Variants in STRN3 observed in about 807,000 individuals in gnomAD.
STRN3 encodes striatin-3.
In STRN3, 29 loss-of-function variants were observed where a neutral mutation model predicts 95.6. That is an observed-to-expected ratio of 0.30 (90% confidence interval 0.23 to 0.41). The LOEUF (loss-of-function observed/expected upper bound fraction) is 0.41, where lower values mean the gene tolerates loss of function less well. Among genes scored for constraint, STRN3 ranks in the 10% least tolerant of loss-of-function variants. The pLI is 1.00. For missense variants in STRN3, 890 were observed against 972.1 expected (o/e 0.92, Z 1.12); for synonymous variants, 331 against 357.6 (o/e 0.93, Z 0.84).
intron 1 of STRN3, among the ~76,000 whole-genome samples, chr14:31,012,392 T>A (rs985272931): frequency 1.3e-5 from 2 of 152,198 alleles, no homozygotes; most frequent in African/African-American, 4.8e-5. Flanking sequence ...AATTTTAAAC[T>A]TTCCACAACT....
At chr14:30,988,292 A>G (rs1466232733) in intron 1 of STRN3, among the ~76,000 whole-genome samples, 2 of 152,196 alleles carry the variant, frequency 1.3e-5, no homozygotes, top group Non-Finnish European at 2.9e-5. Flanking sequence ...GGTATTATCA[A>G]CCAAACTCTG....
intron 1 of STRN3, among the ~76,000 whole-genome samples, chr14:30,993,270 A>C (rs906163222): frequency 6.6e-6 from 1 of 151,028 alleles, no homozygotes; most frequent in African/African-American, 2.4e-5. Context: ...AAAAAAAAAA[A>C]CCCACAAACT....
intron 1 of STRN3, among the ~76,000 whole-genome samples, chr14:30,969,791 A>G (rs1880731803): frequency 6.6e-6 from 1 of 152,164 alleles, no homozygotes; most frequent in Admixed American, 6.5e-5. Context: ...CCTCAAAACT[A>G]AAAGTCTTTT....
chr14:30,921,192 G>C (rs1896876592), intron 8 of STRN3, among the ~76,000 whole-genome samples: 1 of 151,550 alleles, frequency 6.6e-6, no homozygotes, highest in Admixed American at 6.6e-5. Context: ...TAAAGCTTTT[G>C]TTGATCTTTC....
chr14:30,967,630 T>A (rs1255483626), intron 1 of STRN3, among the ~76,000 whole-genome samples: 3 of 152,184 alleles, frequency 2.0e-5, no homozygotes, highest in African/African-American at 7.2e-5. Flanking sequence ...GGCAACTGCT[T>A]TGCTAACAGA....
chr14:30,950,957 A>G lies in STRN3; in HGVS notation c.461-13T>C, dbSNP rs1248392952. The G allele has an allele frequency of 1.3e-6, 2 of 1,596,354 alleles. No individual in the cohort carries two copies. Among genetic ancestry groups the G allele is most frequent in the Middle Eastern group, 1.7e-4 (1 of 6,010 alleles). ...TCTTTGGTTTCTTCTAAAAATTAAG[A>G]AAAAAAAAGTTTTACATACTTTATT... is the stretch of plus-strand genomic sequence containing the variant. On this transcript the variant is annotated splice_polypyrimidine_tract_variant and intron_variant, in intron 3 of 17. Transcript: ENST00000357479.
intron 1 of STRN3, among the ~76,000 whole-genome samples, chr14:30,975,133 A>G (rs1881029977): frequency 1.6e-5 from 1 of 62,006 alleles, no homozygotes; most frequent in Admixed American, 1.6e-4. Flanking sequence ...AGCACAATTC[A>G]TAACTGCAAA....
At chr14:30,973,594 A>G (rs1187982264) in intron 1 of STRN3, among the ~76,000 whole-genome samples, 1 of 152,228 alleles carries the variant, frequency 6.6e-6, no homozygotes, top group African/African-American at 2.4e-5. Flanking sequence ...AAATCTGAAG[A>G]GAAGGGAATA....
intron 7 of STRN3, among the ~76,000 whole-genome samples, chr14:30,929,969 A>AAAC (rs1878439303): frequency 6.7e-6 from 1 of 149,338 alleles, no homozygotes; most frequent in East Asian, 1.9e-4. Context: ...AAAAAAAAAA[A>AAAC]AAAAAAAAAA....
chr14:30,914,118 T>C (rs1014019434), intron 9 of STRN3, among the ~76,000 whole-genome samples: 2 of 152,204 alleles, frequency 1.3e-5, no homozygotes, highest in Non-Finnish European at 2.9e-5. Context: ...CCAAGTCCTT[T>C]TGCTTTCTAA....
chr14:31,019,869 T>G (rs1052248723), intron 1 of STRN3, among the ~76,000 whole-genome samples: 9 of 149,850 alleles, frequency 6.0e-5, no homozygotes, highest in African/African-American at 2.2e-4. Context: ...ATCATTATAG[T>G]CCAGTTCACT....
In STRN3 at chr14:30,936,484, GT is replaced by G. The variant is rs1566445139; in HGVS notation, c.846+10del. ...TATATAGCTAATAAGAATATAAAAT[GT>G]AATTCCTACTTTATGTTTATTCATC... is the stretch of plus-strand genomic sequence containing the variant. On this transcript the variant is annotated intron_variant, in intron 6 of 17. Coordinates refer to ENST00000357479, the MANE Select transcript of STRN3 (RefSeq NM_001083893.2). The G allele has an allele frequency of 6.2e-7, 1 of 1,607,376 alleles. No homozygotes were observed. The highest frequency in any genetic ancestry group is 8.5e-7 in the Non-Finnish European group (1 of 1,178,048).
chr14:30,946,319 G>A (rs1304241810), intron 5 of STRN3, among the ~76,000 whole-genome samples: 1 of 152,030 alleles, frequency 6.6e-6, no homozygotes, highest in East Asian at 1.9e-4. Context: ...GAGGCGGGCA[G>A]GCTGTTTAAG....
rs917059525 is a variant in STRN3, at chr14:30,961,437, A to G, written c.283-5195T>C. On this transcript the variant is annotated intron_variant, in intron 1 of 17. Transcript: ENST00000357479. ...ATTATAATGGAGCTGAAAAATTCCT[A>G]TCGCCTAGTGAAGTTGTAGAAGTCT... Among the ~76,000 whole-genome samples, 9 of 152,214 alleles carry G rather than the reference A, an allele frequency of 5.9e-5. No homozygotes were observed. In the South Asian group the frequency reaches 6.2e-4, roughly 11 times the overall value.
chr14:31,004,434 G>A (rs1029726216), intron 1 of STRN3, among the ~76,000 whole-genome samples: 2 of 152,160 alleles, frequency 1.3e-5, no homozygotes, highest in South Asian at 4.1e-4. Flanking sequence ...GTCTGAAAAA[G>A]AAAAGTACTA....
intron 5 of STRN3, among the ~76,000 whole-genome samples, chr14:30,944,620 C>T (rs1879271570): frequency 1.3e-5 from 1 of 76,566 alleles, no homozygotes; most frequent in South Asian, 5.4e-4. Flanking sequence ...TATATATACA[C>T]ATTTTTTTTT....
chr14:30,924,152 T>TA lies in STRN3; in HGVS notation c.1100-5047dup, dbSNP rs1896951634. 3.4e-5 allele frequency among the ~76,000 whole-genome samples: 5 copies of TA among 147,618 alleles called. No homozygotes were observed. In the South Asian group the frequency reaches 1.1e-3, roughly 32 times the overall value. On this transcript the variant is annotated intron_variant, in intron 8 of 17. Coordinates refer to ENST00000357479, the MANE Select transcript of STRN3 (RefSeq NM_001083893.2). The stretch of plus-strand genomic sequence containing the variant: ...GGTCATACATGAGAGTATCTTTGTT[T>TA]AAATATATACTAATATATTTAAAGA...
chr14:30,904,497 TA>T (rs1269033925), intron 15 of STRN3, among the ~76,000 whole-genome samples: 2 of 152,020 alleles, frequency 1.3e-5, no homozygotes, highest in Non-Finnish European at 2.9e-5. Flanking sequence ...AACTGGTAAA[TA>T]AAGGGGAAAA....
Position 30,944,013 on chromosome 14 carries a change from A to G in STRN3, c.716+3077T>C, listed in dbSNP as rs144660173. 3.2e-3 allele frequency among the ~76,000 whole-genome samples: 489 copies of G among 152,218 alleles called. 3 individuals carry two copies. Among genetic ancestry groups the G allele is most frequent in the African/African-American group, 0.011 (460 of 41,548 alleles). On this transcript the variant is annotated intron_variant, in intron 5 of 17. Transcript: ENST00000357479. ...AAAGTTTGTTGAGAGGGCAGATCCC[A>G]TGTTGTATTTAACATACACGCATGC...
Sources: allele counts gnomAD v4.1 joint callset (sites outside exome capture counted in the v4.1 genomes callset), GRCh38; gene constraint gnomAD v4.1.1; transcripts MANE v1.5; gene names NCBI Gene and HGNC (gene_info 2026-07-23, HGNC 2026-07-21).